Variants in CFHR4 observed in about 807,000 individuals in gnomAD.
The protein encoded by CFHR4 is complement factor H-related protein 4.
CFHR4 carries 64 observed loss-of-function variants against 69.3 expected under a neutral mutation model. That is an observed-to-expected ratio of 0.92 (90% CI 0.76 to 1.14). The LOEUF is 1.14. Among genes scored for constraint, CFHR4 ranks in the 50% most tolerant of loss-of-function variants. The probability of loss-of-function intolerance (pLI) is 0.00; values close to 1 mark genes in which losing one functional copy is unlikely to be tolerated. For synonymous variants in CFHR4, 244 were observed against 237.0 expected, an observed-to-expected ratio of 1.03 and a Z score of -0.27; for missense variants, 636 against 684.9, an observed-to-expected ratio of 0.93 and a Z score of 0.80.
chr1:196,898,843 G>C lies in CFHR4; in HGVS notation c.59-3575G>C, dbSNP rs114034485. Among the ~76,000 whole-genome samples the C allele has an allele frequency of 9.0e-3, 1,366 of 151,606 alleles. 66 individuals carry two copies. The highest frequency in any genetic ancestry group is 0.032 in the African/African-American group (1,300 of 41,146). On this transcript the variant is annotated intron_variant, in intron 1 of 9. Coordinates refer to ENST00000608469, the MANE Select transcript of CFHR4 (RefSeq NM_001201550.3). ...GCTTCCAACATGGCTCACTCACACA[G>C]ATTTTGGTAGGAGGTCCCAGTACCT...
intron 1 of CFHR4, among the ~76,000 whole-genome samples, chr1:196,893,679 C>T (rs558112296): frequency 2.0e-5 from 3 of 151,406 alleles, no homozygotes; most frequent in Admixed American, 6.6e-5. Flanking sequence ...GGTTAATGAA[C>T]ACAAGAAAAT....
rs1174770785 is a variant in CFHR4, at chr1:196,915,846, A to T, written c.1540+708A>T. Among the ~76,000 whole-genome samples the T allele has an allele frequency of 2.0e-5, 3 of 151,566 alleles. No individual in the cohort carries two copies. In the East Asian group the frequency reaches 5.8e-4, roughly 29 times the overall value. On this transcript the variant is annotated intron_variant, in intron 9 of 9. Coordinates refer to ENST00000608469, the MANE Select transcript of CFHR4 (RefSeq NM_001201550.3). ...AATCATTTTCACATTATTAACACTGAGGTAGAGTTTTCAAACAGTTATGAA... is the reference window on the plus strand; with the variant it reads ...AATCATTTTCACATTATTAACACTGTGGTAGAGTTTTCAAACAGTTATGAA...
In CFHR4 at chr1:196,918,590, G is replaced by A. The variant is rs1373782457; in HGVS notation, c.*184G>A. ...ATATGTTAAAACAAACTAAATTATT[G>A]CTTATGCTTGTACTAAAATAATAAA... On this transcript the variant is annotated 3_prime_UTR_variant, in exon 10 of 10. Coordinates refer to ENST00000608469, the MANE Select transcript of CFHR4 (RefSeq NM_001201550.3). 1.7e-6 allele frequency: 1 copy of A among 590,680 alleles called. No homozygotes were observed. Among genetic ancestry groups the A allele is most frequent in the Non-Finnish European group, 2.9e-6 (1 of 344,902 alleles). 36.6% of individuals were successfully genotyped at this position (590,680 alleles called of 1,614,324 possible). A position where few individuals can be genotyped will look rare whatever the true frequency, so the allele number is the denominator to read the frequency against.
chr1:196,903,119 C>T (rs1657712785), intron 2 of CFHR4, among the ~76,000 whole-genome samples: 1 of 151,334 alleles, frequency 6.6e-6, no homozygotes, highest in Admixed American at 6.6e-5. Context: ...TGGTCTCCTC[C>T]TCCCAGATGC....
At chr1:196,894,092 C>T (rs1657163507) in intron 1 of CFHR4, among the ~76,000 whole-genome samples, 1 of 151,434 alleles carries the variant, frequency 6.6e-6, no homozygotes, top group South Asian at 2.1e-4. Context: ...TGCTTAACTT[C>T]GCTAATATAG....
At chr1:196,891,283 T>C (rs1275325228) in intron 1 of CFHR4, among the ~76,000 whole-genome samples, 1 of 151,484 alleles carries the variant, frequency 6.6e-6, no homozygotes. Flanking sequence ...TGATTTCCTT[T>C]AGTTTACGTC....
At chr1:196,896,236 T>G (rs1657288692) in intron 1 of CFHR4, among the ~76,000 whole-genome samples, 1 of 151,068 alleles carries the variant, frequency 6.6e-6, no homozygotes, top group South Asian at 2.1e-4. Flanking sequence ...TTTATTGTTT[T>G]TGTCTGAATA....
rs528373904 is a variant in CFHR4, at chr1:196,910,955, A to G, written c.997+477A>G. ...TTGGAGAATGGATATAACACAAAAT[A>G]TGAAGGAATATCTTTACAGAGTCAA... On this transcript the variant is annotated intron_variant, in intron 6 of 9. Transcript: ENST00000608469. 2.6e-5 allele frequency among the ~76,000 whole-genome samples: 4 copies of G among 151,644 alleles called. No individual in the cohort carries two copies. The East Asian group carries it at 7.7e-4, about 29-fold the overall frequency.
At chr1:196,917,456 T>C (rs1234843026) in intron 9 of CFHR4, among the ~76,000 whole-genome samples, 1 of 151,704 alleles carries the variant, frequency 6.6e-6, no homozygotes, top group African/African-American at 2.4e-5. Flanking sequence ...AAGAATTTTA[T>C]AAAAGAAAAC....
At chr1:196,906,631 T>C (rs925205200) in intron 3 of CFHR4, among the ~76,000 whole-genome samples, 3 of 151,328 alleles carry the variant, frequency 2.0e-5, no homozygotes, top group Non-Finnish European at 4.4e-5. Context: ...TCTTAATATG[T>C]TTTTCATAGG....
At chr1:196,916,229 C>A (rs1658618579) in intron 9 of CFHR4, among the ~76,000 whole-genome samples, 1 of 151,416 alleles carries the variant, frequency 6.6e-6, no homozygotes, top group Non-Finnish European at 1.5e-5. Context: ...ATAATTATGG[C>A]AACAACAAGA....
At chr1:196,902,798 T>A (rs190189710) in intron 2 of CFHR4, among the ~76,000 whole-genome samples, 183 bp downstream of exon 2, 1 of 151,500 alleles carries the variant, frequency 6.6e-6, no homozygotes, top group Admixed American at 6.6e-5. Context: ...GAGAAATAAA[T>A]GTGGCAACTT....
At chr1:196,914,862 A>G (rs1658503452) in intron 8 of CFHR4, 94 bp from the exon 9 acceptor site, 28 of 1,517,272 alleles carry the variant, frequency 1.8e-5, no homozygotes, top group Middle Eastern at 2.1e-4. Flanking sequence ...AAGAAATCAA[A>G]TAAGATACAG....
intron 1 of CFHR4, among the ~76,000 whole-genome samples, chr1:196,888,944 T>C (rs1229201140): frequency 6.6e-6 from 1 of 150,844 alleles, no homozygotes; most frequent in African/African-American, 2.5e-5. Context: ...TTTTCTATAT[T>C]AACTATCTCT....
chr1:196,895,118 T>C (rs1558237026), intron 1 of CFHR4, among the ~76,000 whole-genome samples: 1 of 151,228 alleles, frequency 6.6e-6, no homozygotes, highest in East Asian at 1.9e-4. Flanking sequence ...CTGTAGTCCT[T>C]ACAATTCAAG....
At chr1:196,918,068 G>C (rs1658758947) in intron 9 of CFHR4, 142 bp from the exon 10 acceptor site, 1 of 912,688 alleles carries the variant, frequency 1.1e-6, no homozygotes, top group Non-Finnish European at 1.5e-6. Flanking sequence ...GCTAAAGTCA[G>C]TATGTAGCAC....
chr1:196,902,985 A>G (rs1380765823), intron 2 of CFHR4, among the ~76,000 whole-genome samples: 1 of 151,500 alleles, frequency 6.6e-6, no homozygotes, highest in African/African-American at 2.4e-5. Context: ...ATTTTAATAT[A>G]CTATTTTGAT....
At position 196,905,278 on chromosome 1, in the gene CFHR4, C is replaced by T; in HGVS notation, c.427C>T (p.Pro143Ser). The change falls in exon 3 of 10, where the codon CCA becomes TCA. Residue 143 changes from proline (P) to serine (S), a missense_variant. Physicochemically the swap from Pro to Ser is moderately conservative, Grantham distance 74. Transcript: ENST00000608469. ...TCLQNGWSTQ[P>S]ICIKFCDMPV... ...TTTGCAAAATGGATGGTCAACACAA[C>T]CAATTTGCATTAGTAAGTTATTTAC... 1 of 1,611,100 alleles carries T rather than the reference C, an allele frequency of 6.2e-7. No individual in the cohort carries two copies. The highest frequency in any genetic ancestry group is 8.5e-7 in the Non-Finnish European group (1 of 1,178,652).
rs1658338976 is a variant in CFHR4 at position 196,912,638 on chromosome 1, A to G, written c.998-102A>G. ...TTTGCTGTTTTCAATTCATTAACAA[A>G]TGTTTCATTGTTTTGCCATATTGCC... On this transcript the variant is annotated intron_variant, in intron 6 of 9. Transcript: ENST00000608469. 6.2e-6 allele frequency: 8 copies of G among 1,288,412 alleles called. No homozygotes were observed. The South Asian group carries it at 6.7e-5, about 11-fold the overall frequency. 79.8% of individuals were successfully genotyped at this position (1,288,412 alleles called of 1,614,324 possible). A position where few individuals can be genotyped will look rare whatever the true frequency, so the allele number is the denominator to read the frequency against.
Sources: allele counts gnomAD v4.1 joint callset (sites outside exome capture counted in the v4.1 genomes callset), GRCh38; gene constraint gnomAD v4.1.1; transcripts MANE v1.5; gene names NCBI Gene and HGNC (gene_info 2026-07-23, HGNC 2026-07-21).